The following TMEM132D variants were observed in gnomAD, a reference collection of about 807,000 sequenced individuals.
The protein encoded by TMEM132D is mature OL transmembrane protein.
A neutral mutation model predicts 62.3 loss-of-function variants in TMEM132D; 21 were observed. The observed-to-expected ratio is 0.34, with a 90% CI of 0.24 to 0.49. The LOEUF (loss-of-function observed/expected upper bound fraction) is 0.49. Ranked by LOEUF, TMEM132D falls within the 20% of genes least tolerant of loss-of-function variation. The probability of loss-of-function intolerance (pLI) is 0.99; values close to 1 mark genes in which losing one functional copy is unlikely to be tolerated. For missense variants in TMEM132D, 1,346 were observed against 1,402.8 expected (o/e 0.96, Z 0.65); for synonymous variants, 621 against 575.6 (o/e 1.08, Z -1.13).
At chr12:129,879,237 A>C (rs1874521745) in intron 1 of TMEM132D, among the ~76,000 whole-genome samples, 1 of 152,230 alleles carries the variant, frequency 6.6e-6, no homozygotes, top group African/African-American at 2.4e-5. Flanking sequence ...TCTATGCCTC[A>C]GTCCTACACA....
intron 4 of TMEM132D, among the ~76,000 whole-genome samples, chr12:129,321,530 G>A (rs1449687174): frequency 6.6e-6 from 1 of 151,804 alleles, no homozygotes; most frequent in Admixed American, 6.5e-5. Flanking sequence ...TGGTCCTCAC[G>A]CCTCAGGACC....
chr12:129,359,512 C>T (rs944659310), intron 3 of TMEM132D, among the ~76,000 whole-genome samples: 16 of 152,064 alleles, frequency 1.1e-4, no homozygotes, highest in African/African-American at 3.4e-4. Flanking sequence ...ATGCGCAGTT[C>T]CTGAACTAAA....
intron 4 of TMEM132D, among the ~76,000 whole-genome samples, chr12:129,227,632 G>A (rs1318528187): frequency 6.6e-6 from 1 of 150,738 alleles, no homozygotes; most frequent in Non-Finnish European, 1.5e-5. Flanking sequence ...AAGTTCTAGG[G>A]GACATGTGCA....
chr12:129,269,388 C>T (rs1443037721), intron 4 of TMEM132D, among the ~76,000 whole-genome samples: 3 of 151,978 alleles, frequency 2.0e-5, no homozygotes, highest in South Asian at 4.1e-4. Context: ...CCTTTGCCTT[C>T]TCCTTTCCCT....
intron 1 of TMEM132D, among the ~76,000 whole-genome samples, chr12:129,899,598 T>C (rs1178815901): frequency 6.6e-6 from 1 of 152,182 alleles, no homozygotes; most frequent in Non-Finnish European, 1.5e-5. Flanking sequence ...GAAAAATTGA[T>C]AGATAAATTC....
At position 129,318,524 on chromosome 12, in the gene TMEM132D, C is replaced by T. The variant is rs1375201854; in HGVS notation, c.1299+19110G>A. 1.3e-5 allele frequency among the ~76,000 whole-genome samples: 2 copies of T among 152,178 alleles called. 1 individual carries two copies. The highest frequency in any genetic ancestry group is 1.3e-4 in the Admixed American group (2 of 15,284). On this transcript the variant is annotated intron_variant, in intron 4 of 8. Coordinates refer to ENST00000422113, the MANE Select transcript of TMEM132D (RefSeq NM_133448.3). The stretch of plus-strand genomic sequence containing the variant: ...CTATGGGTCTCTCATCCATGGATAA[C>T]AGTGGCTGTTCCAGTGGAGGTGGCA...
At chr12:129,488,422 T>C (rs1297368081) in intron 3 of TMEM132D, among the ~76,000 whole-genome samples, 3 of 151,984 alleles carry the variant, frequency 2.0e-5, no homozygotes, top group African/African-American at 4.8e-5. Context: ...CCTGTAACCC[T>C]AGCACTTTGG....
intron 8 of TMEM132D, among the ~76,000 whole-genome samples, chr12:129,077,314 A>G (rs1874294581): frequency 6.6e-6 from 1 of 152,214 alleles, no homozygotes; most frequent in South Asian, 2.1e-4. Flanking sequence ...ACAATGTCCC[A>G]TATGGGCCGG....
intron 3 of TMEM132D, among the ~76,000 whole-genome samples, chr12:129,520,990 T>C (rs1187325635): frequency 6.6e-6 from 1 of 152,188 alleles, no homozygotes; most frequent in Non-Finnish European, 1.5e-5. Flanking sequence ...GCTGAGTAAT[T>C]GTAGACAAAA....
chr12:129,291,722 G>T (rs1165994152), intron 4 of TMEM132D, among the ~76,000 whole-genome samples: 10 of 152,134 alleles, frequency 6.6e-5, no homozygotes, highest in African/African-American at 2.4e-4. Context: ...CTAGAATTGT[G>T]TATGGTGTGT....
chr12:129,297,539 A>G (rs1881608350), intron 4 of TMEM132D, among the ~76,000 whole-genome samples: 1 of 152,348 alleles, frequency 6.6e-6, no homozygotes, highest in South Asian at 2.1e-4. Flanking sequence ...TGCCGTTAGT[A>G]AGAATTGGCT....
intron 1 of TMEM132D, among the ~76,000 whole-genome samples, chr12:129,836,033 T>A (rs1311056770): frequency 6.6e-6 from 1 of 152,258 alleles, no homozygotes; most frequent in African/African-American, 2.4e-5. Context: ...CTCTGTTATG[T>A]CCTGGGATGT....
At chr12:129,710,956 C>G (rs887295351) in intron 1 of TMEM132D, among the ~76,000 whole-genome samples, 2 of 152,154 alleles carry the variant, frequency 1.3e-5, no homozygotes, top group Admixed American at 1.3e-4. Context: ...TGTGTTTAGC[C>G]TCGGTGTGCA....
intron 1 of TMEM132D, among the ~76,000 whole-genome samples, chr12:129,736,789 C>T (rs1478728917): frequency 1.3e-5 from 2 of 149,176 alleles, no homozygotes; most frequent in African/African-American, 2.5e-5. Context: ...GTGATGCGTG[C>T]ATTAAGTCAA....
intron 2 of TMEM132D, among the ~76,000 whole-genome samples, chr12:129,574,804 G>A (rs1877613269): frequency 6.6e-6 from 1 of 151,754 alleles, no homozygotes. Context: ...AGTGTTCTCA[G>A]ATATCAAATG....
In TMEM132D at chr12:129,719,258, C is replaced by CA. The variant is rs1868721758; in HGVS notation, c.80-18561dup. Among the ~76,000 whole-genome samples, 4 of 151,352 alleles carry CA rather than the reference C, an allele frequency of 2.6e-5. No homozygotes were observed. In the South Asian group the frequency reaches 6.3e-4, roughly 24 times the overall value. On this transcript the variant is annotated intron_variant, in intron 1 of 8. Transcript: ENST00000422113. Reference sequence around the variant, plus strand: ...TGGGTGACAGAGTGAGACCCTGTCTCAAAAAAACAAAACAAAACAAACCTA... The same window carrying CA: ...TGGGTGACAGAGTGAGACCCTGTCTCAAAAAAAACAAAACAAAACAAACCTA...
At chr12:129,755,138 T>C (rs142900851) in intron 1 of TMEM132D, among the ~76,000 whole-genome samples, 5 of 152,356 alleles carry the variant, frequency 3.3e-5, no homozygotes, top group African/African-American at 1.2e-4. Flanking sequence ...TCACACACAG[T>C]GAAGCCACAT....
At chr12:129,206,521 A>G (rs183004046) in intron 5 of TMEM132D, among the ~76,000 whole-genome samples, 121 of 152,346 alleles carry the variant, frequency 7.9e-4, no homozygotes, top group Non-Finnish European at 1.3e-4. Flanking sequence ...AAATTAGTTC[A>G]GCCACTATGG....
chr12:129,542,046 C>T (rs773293440), intron 2 of TMEM132D, among the ~76,000 whole-genome samples: 1 of 152,204 alleles, frequency 6.6e-6, no homozygotes, highest in Admixed American at 6.5e-5. Context: ...GCTCAAAGTT[C>T]TAATCAGCCT....
Sources: gnomAD v4.1 joint callset for allele counts (sites outside exome capture counted in the v4.1 genomes callset) on GRCh38, gnomAD v4.1.1 for gene constraint, MANE v1.5 for transcripts, NCBI Gene and HGNC (gene_info 2026-07-23, HGNC 2026-07-21) for gene names.